Variants in DACH1 observed in about 807,000 individuals in gnomAD.
DACH1 encodes dachshund homolog 1.
A neutral mutation model predicts 54.2 loss-of-function variants in DACH1; 12 were observed. That is an observed-to-expected ratio of 0.22 (90% CI 0.14 to 0.36). DACH1 has a LOEUF of 0.36. DACH1 is among the 10% of genes least tolerant of loss of function. The pLI is 1.00. For missense variants in DACH1, 805 were observed against 929.8 expected (o/e 0.87, Z 1.75); for synonymous variants, 386 against 366.2 (o/e 1.05, Z -0.62).
At chr13:71,833,625 A>G (rs1359994751) in intron 1 of DACH1, among the ~76,000 whole-genome samples, 1 of 151,996 alleles carries the variant, frequency 6.6e-6, no homozygotes, top group East Asian at 1.9e-4. Context: ...GGATTTGGTG[A>G]CACAGCCTGG....
At chr13:71,543,334 C>T (rs970857829) in intron 6 of DACH1, among the ~76,000 whole-genome samples, 2 of 151,914 alleles carry the variant, frequency 1.3e-5, no homozygotes, top group South Asian at 2.1e-4. Flanking sequence ...CAGTGTTTTT[C>T]GTAAAATCAA....
chr13:71,689,016 C>T lies in DACH1; in HGVS notation c.849-7106G>A, dbSNP rs571298115. 1.4e-4 allele frequency among the ~76,000 whole-genome samples: 22 copies of T among 152,224 alleles called. No homozygotes were observed. In the South Asian group the frequency reaches 4.6e-3, roughly 32 times the overall value. On this transcript the variant is annotated intron_variant, in intron 1 of 10. Coordinates refer to ENST00000613252, the MANE Select transcript of DACH1 (RefSeq NM_080759.6). ...AAGAATGGGGTAACATAGGCATTTA[C>T]TAAACTTAGTTCACCATGAAACCTG... is the stretch of plus-strand genomic sequence containing the variant.
intron 3 of DACH1, among the ~76,000 whole-genome samples, chr13:71,588,964 C>G (rs1291226282): frequency 6.6e-6 from 1 of 151,782 alleles, no homozygotes. Flanking sequence ...CCATCATAAT[C>G]AAGACATAAA....
At chr13:71,469,269 T>C (rs1014490520) in intron 10 of DACH1, among the ~76,000 whole-genome samples, 7 of 152,004 alleles carry the variant, frequency 4.6e-5, no homozygotes, top group Non-Finnish European at 7.4e-5. Flanking sequence ...AATGAGTAAA[T>C]ACTTCCACTT....
rs537674432 is a variant in DACH1, at chr13:71,548,731, A to G, written c.1570+8293T>C. The stretch of plus-strand genomic sequence containing the variant: ...CAGGAGTTCGAGACCAGCCTAGCCT[A>G]CATGGTAAAACCTCATCTCCACTAA... On this transcript the variant is annotated intron_variant, in intron 6 of 10. Coordinates refer to ENST00000613252, the MANE Select transcript of DACH1 (RefSeq NM_080759.6). 4.6e-5 allele frequency among the ~76,000 whole-genome samples: 7 copies of G among 152,208 alleles called. No individual in the cohort carries two copies. The East Asian group carries it at 1.4e-3, about 29-fold the overall frequency.
At chr13:71,586,169 G>T (rs999053756) in intron 3 of DACH1, among the ~76,000 whole-genome samples, 13 of 152,026 alleles carry the variant, frequency 8.6e-5, no homozygotes, top group African/African-American at 3.1e-4. Flanking sequence ...CTTGACAGGG[G>T]GTACCAGCTC....
intron 2 of DACH1, among the ~76,000 whole-genome samples, chr13:71,656,483 TCTAAGTCTAGG>T (rs1879096255): frequency 6.6e-6 from 1 of 152,112 alleles, no homozygotes; most frequent in African/African-American, 2.4e-5. Context: ...TGGCCACCAG[TCTAAGTCTAGG>T]CTAAATTTTC....
chr13:71,667,629 A>T (rs768099641), intron 2 of DACH1, among the ~76,000 whole-genome samples: 1 of 152,220 alleles, frequency 6.6e-6, no homozygotes, highest in African/African-American at 2.4e-5. Context: ...AATTCATAGA[A>T]TATTATTATG....
At chr13:71,604,859 G>C (rs1030091999) in intron 3 of DACH1, among the ~76,000 whole-genome samples, 4 of 151,856 alleles carry the variant, frequency 2.6e-5, no homozygotes, top group Non-Finnish European at 5.9e-5. Flanking sequence ...TTGCATATCA[G>C]TAATTTAATC....
At chr13:71,523,544 A>G (rs1175520439) in intron 6 of DACH1, among the ~76,000 whole-genome samples, 1 of 152,134 alleles carries the variant, frequency 6.6e-6, no homozygotes, top group African/African-American at 2.4e-5. Context: ...TTATAGGATG[A>G]TAAGTTTACT....
At chr13:71,764,160 A>G (rs536780659) in intron 1 of DACH1, among the ~76,000 whole-genome samples, 1 of 152,296 alleles carries the variant, frequency 6.6e-6, no homozygotes, top group South Asian at 2.1e-4. Flanking sequence ...TCTCACCACA[A>G]CATTTAAGGT....
intron 1 of DACH1, among the ~76,000 whole-genome samples, chr13:71,705,199 C>T (rs2138761478): frequency 6.6e-6 from 1 of 152,214 alleles, no homozygotes; most frequent in Middle Eastern, 3.4e-3. Flanking sequence ...TGAATATTGT[C>T]AAGGTAGACT....
chr13:71,758,710 A>T (rs1440226877), intron 1 of DACH1, among the ~76,000 whole-genome samples: 1 of 152,218 alleles, frequency 6.6e-6, no homozygotes, highest in East Asian at 1.9e-4. Context: ...GGTCTGCCGA[A>T]GGAAGTTAAC....
intron 2 of DACH1, among the ~76,000 whole-genome samples, chr13:71,648,463 C>A (rs1878453550): frequency 6.6e-6 from 1 of 152,194 alleles, no homozygotes; most frequent in East Asian, 1.9e-4. Flanking sequence ...TTTAAGAGTA[C>A]ATGTGTTTAT....
At chr13:71,595,377 G>C (rs374537263) in intron 3 of DACH1, among the ~76,000 whole-genome samples, 1 of 152,128 alleles carries the variant, frequency 6.6e-6, no homozygotes, top group Non-Finnish European at 1.5e-5. Flanking sequence ...TATAGGCAGA[G>C]AAACTACCTG....
At chr13:71,664,823 T>C (rs1228508017) in intron 2 of DACH1, among the ~76,000 whole-genome samples, 1 of 152,068 alleles carries the variant, frequency 6.6e-6, no homozygotes, top group Non-Finnish European at 1.5e-5. Flanking sequence ...TAGCTTCAAC[T>C]ACTTTTGCTA....
At chr13:71,692,986 A>G (rs1378330117) in intron 1 of DACH1, among the ~76,000 whole-genome samples, 1 of 152,196 alleles carries the variant, frequency 6.6e-6, no homozygotes, top group East Asian at 1.9e-4. Flanking sequence ...ATTTGTATTC[A>G]TAAGATGGAA....
intron 2 of DACH1, among the ~76,000 whole-genome samples, chr13:71,653,210 C>T (rs535503215): frequency 3.3e-5 from 5 of 152,148 alleles, no homozygotes; most frequent in African/African-American, 7.2e-5. Context: ...CAATAAACCC[C>T]GCCCCTAAAT....
intron 4 of DACH1, among the ~76,000 whole-genome samples, chr13:71,562,660 G>A (rs572682713): frequency 3.3e-5 from 5 of 152,092 alleles, no homozygotes; most frequent in South Asian, 2.1e-4. Flanking sequence ...CTTCTAAAAC[G>A]TCTAAGGCAA....
Sources: gnomAD v4.1 joint callset for allele counts (sites outside exome capture counted in the v4.1 genomes callset) on GRCh38, gnomAD v4.1.1 for gene constraint, MANE v1.5 for transcripts, NCBI Gene and HGNC (gene_info 2026-07-23, HGNC 2026-07-21) for gene names.